Variants in REDIC1 observed in about 807,000 individuals in gnomAD.
REDIC1 encodes regulator of DNA class I crossover intermediates 1, also known as HEI10 Interacting Protein 1.
At chr12:39,845,169 C>G in the REDIC1 span, among the ~76,000 whole-genome samples, 1 of 151,684 alleles carries the variant, frequency 6.6e-6, no homozygotes, top group African/African-American at 2.4e-5. Context: ...AATATATTTT[C>G]TTTATGTTGA....
chr12:39,769,464 C>T, the REDIC1 span, among the ~76,000 whole-genome samples: 1 of 152,070 alleles, frequency 6.6e-6, no homozygotes, highest in Admixed American at 6.6e-5. Context: ...CTTTGAACAT[C>T]AATTTTTCTC....
the REDIC1 span, among the ~76,000 whole-genome samples, chr12:39,744,022 C>T: frequency 6.6e-6 from 1 of 151,792 alleles, no homozygotes; most frequent in African/African-American, 2.4e-5. Flanking sequence ...AACAATAAAC[C>T]CCTCAAAATG....
the REDIC1 span, among the ~76,000 whole-genome samples, chr12:39,833,753 T>C: frequency 2.0e-5 from 3 of 152,040 alleles, no homozygotes; most frequent in Non-Finnish European, 4.4e-5. Context: ...TCTCTTCAAA[T>C]CTCAATCCTT....
At chr12:39,874,226 G>A in the REDIC1 span, among the ~76,000 whole-genome samples, 5 of 152,140 alleles carry the variant, frequency 3.3e-5, no homozygotes, top group East Asian at 1.9e-4. Context: ...GGGCACTGGA[G>A]GTCACTGAAA....
chr12:39,651,667 C>G, the REDIC1 span, among the ~76,000 whole-genome samples: 1 of 152,128 alleles, frequency 6.6e-6, no homozygotes, highest in South Asian at 2.1e-4. Context: ...ATCATTCTTT[C>G]TTGCCTGGAG....
At chr12:39,862,739 G>A in the REDIC1 span, among the ~76,000 whole-genome samples, 1 of 152,088 alleles carries the variant, frequency 6.6e-6, no homozygotes, top group Non-Finnish European at 1.5e-5. Flanking sequence ...GCATAATAGT[G>A]GACCATATTT....
chr12:39,658,563 T>G, the REDIC1 span, among the ~76,000 whole-genome samples: 1 of 152,218 alleles, frequency 6.6e-6, no homozygotes, highest in Non-Finnish European at 1.5e-5. Flanking sequence ...TTCAGACTGG[T>G]ATAGTGGCTA....
chr12:39,815,518 T>G, the REDIC1 span, among the ~76,000 whole-genome samples: 1 of 152,336 alleles, frequency 6.6e-6, no homozygotes, highest in East Asian at 1.9e-4. Context: ...CACTGAGAGA[T>G]TTCTATGTGT....
At chr12:39,734,298 A>T in the REDIC1 span, among the ~76,000 whole-genome samples, 3 of 152,212 alleles carry the variant, frequency 2.0e-5, no homozygotes, top group South Asian at 2.1e-4. Flanking sequence ...TGCAGAAATC[A>T]CCCACCTTCT....
the REDIC1 span, among the ~76,000 whole-genome samples, chr12:39,640,652 T>C: frequency 6.6e-6 from 1 of 151,926 alleles, no homozygotes; most frequent in African/African-American, 2.4e-5. Flanking sequence ...GTTTCAGGGA[T>C]ATATTCTTTC....
At chr12:39,774,783 T>C in the REDIC1 span, among the ~76,000 whole-genome samples, 1 of 152,162 alleles carries the variant, frequency 6.6e-6, no homozygotes, top group Non-Finnish European at 1.5e-5. Flanking sequence ...CTGAATAAAA[T>C]ATTATTTATC....
At chr12:39,766,730 G>A in the REDIC1 span, among the ~76,000 whole-genome samples, 1 of 152,044 alleles carries the variant, frequency 6.6e-6, no homozygotes, top group African/African-American at 2.4e-5. Context: ...TTTCAACAAT[G>A]TTCATAGCAC....
At chr12:39,902,897 T>G in the REDIC1 span, among the ~76,000 whole-genome samples, 2 of 152,140 alleles carry the variant, frequency 1.3e-5, no homozygotes. Context: ...CATTACCTTA[T>G]TCCTTATTGA....
the REDIC1 span, among the ~76,000 whole-genome samples, chr12:39,766,186 C>A: frequency 2.0e-5 from 3 of 152,038 alleles, no homozygotes; most frequent in Non-Finnish European, 4.4e-5. Context: ...TTGGATTATC[C>A]TTTCAGTATT....
the REDIC1 span, chr12:39,641,078 A>G: frequency 2.8e-6 from 3 of 1,076,230 alleles, no homozygotes; most frequent in South Asian, 1.4e-5. Context: ...ACATTCACCT[A>G]AGTGAAACTG....
the REDIC1 span, among the ~76,000 whole-genome samples, chr12:39,632,456 G>A: frequency 2.6e-5 from 4 of 152,130 alleles, 1 homozygote; most frequent in Admixed American, 1.3e-4. Context: ...GATTGACAAC[G>A]TAGTAAAACC....
At chr12:39,629,592 A>G in the REDIC1 span, among the ~76,000 whole-genome samples, 1 of 152,188 alleles carries the variant, frequency 6.6e-6, no homozygotes, top group African/African-American at 2.4e-5. Context: ...GTCATATATA[A>G]AATGTCTTTT....
the REDIC1 span, among the ~76,000 whole-genome samples, chr12:39,640,102 G>A: frequency 3.3e-3 from 463 of 139,978 alleles, 2 homozygotes; most frequent in African/African-American, 0.011. Context: ...CTCAATTTTT[G>A]TCTTTCCCCC....
At chr12:39,864,759 C>T in the REDIC1 span, 1 of 1,613,324 alleles carries the variant, frequency 6.2e-7, no homozygotes, top group Non-Finnish European at 8.5e-7. Context: ...AATGGAATCT[C>T]ACCTGTATCT....
Sources: allele counts gnomAD v4.1 joint callset (sites outside exome capture counted in the v4.1 genomes callset), GRCh38; gene constraint gnomAD v4.1.1; transcripts MANE v1.5; gene names NCBI Gene and HGNC (gene_info 2026-07-23, HGNC 2026-07-21).